VTI1A: variants seen among roughly 807,000 people sequenced by gnomAD.
VTI1A encodes vesicle transport through interaction with t-SNAREs 1A.
Under a neutral mutation model 34.9 loss-of-function variants are expected in VTI1A, and 22 were observed. That is an observed-to-expected ratio of 0.63 (90% CI 0.45 to 0.90). The LOEUF is 0.90. Among genes scored for constraint, VTI1A ranks in the 40% least tolerant of loss-of-function variants. The pLI, the probability that VTI1A is intolerant of heterozygous loss-of-function variation, is 0.00. For missense variants in VTI1A, 268 were observed against 275.6 expected, an observed-to-expected ratio of 0.97 and a Z score of 0.20; for synonymous variants, 87 against 97.3, an observed-to-expected ratio of 0.89 and a Z score of 0.62.
At chr10:112,652,335 G>T (rs914155243) in intron 5 of VTI1A, among the ~76,000 whole-genome samples, 2 of 152,142 alleles carry the variant, frequency 1.3e-5, no homozygotes, top group African/African-American at 4.8e-5. Context: ...GGCTGTCACC[G>T]ACTGTCTCAG....
At chr10:112,550,270 C>T (rs1193616164) in intron 5 of VTI1A, among the ~76,000 whole-genome samples, 1 of 151,824 alleles carries the variant, frequency 6.6e-6, no homozygotes, top group African/African-American at 2.4e-5. Flanking sequence ...GACCTTGTTG[C>T]ACTGTACTTA....
intron 7 of VTI1A, among the ~76,000 whole-genome samples, chr10:112,803,794 T>C (rs1852967716): frequency 6.6e-6 from 1 of 152,138 alleles, no homozygotes; most frequent in South Asian, 2.1e-4. Flanking sequence ...ATGAAGAATT[T>C]AGACTAGGGC....
chr10:112,630,894 G>C (rs573626887), intron 5 of VTI1A, among the ~76,000 whole-genome samples: 2 of 152,152 alleles, frequency 1.3e-5, no homozygotes, highest in Non-Finnish European at 2.9e-5. Context: ...GGCTGAGGGG[G>C]GCGGATCACC....
intron 5 of VTI1A, among the ~76,000 whole-genome samples, chr10:112,577,679 G>T (rs566770856): frequency 6.6e-6 from 1 of 152,308 alleles, no homozygotes; most frequent in Non-Finnish European, 1.5e-5. Context: ...GATATGATGA[G>T]GCCTATACTT....
chr10:112,811,847 T>A (rs531532528), intron 7 of VTI1A, among the ~76,000 whole-genome samples: 72 of 152,318 alleles, frequency 4.7e-4, no homozygotes, highest in African/African-American at 1.7e-3. Context: ...GCCTGTCCCC[T>A]GCACTGGAAC....
intron 7 of VTI1A, among the ~76,000 whole-genome samples, chr10:112,676,621 C>G (rs1489689451): frequency 7.2e-5 from 11 of 152,148 alleles, no homozygotes; most frequent in Admixed American, 7.2e-4. Flanking sequence ...CAGTATGTCC[C>G]TACTAGTGGT....
chr10:112,698,442 G>A (rs944285444), intron 7 of VTI1A, among the ~76,000 whole-genome samples: 4 of 152,118 alleles, frequency 2.6e-5, no homozygotes. Context: ...AACTATAGAC[G>A]TAAATCCTTA....
intron 7 of VTI1A, among the ~76,000 whole-genome samples, chr10:112,714,751 G>T (rs1564896074): frequency 6.6e-6 from 1 of 152,192 alleles, no homozygotes; most frequent in Non-Finnish European, 1.5e-5. Context: ...CAGGAAAATG[G>T]TATCTGGGTG....
intron 5 of VTI1A, among the ~76,000 whole-genome samples, chr10:112,623,546 G>T (rs111632042): frequency 6.7e-6 from 1 of 150,016 alleles, no homozygotes; most frequent in Non-Finnish European, 1.5e-5. Flanking sequence ...TTTGGATCCC[G>T]TCACGATCCG....
intron 7 of VTI1A, among the ~76,000 whole-genome samples, chr10:112,724,789 A>T (rs1266376138): frequency 6.7e-6 from 1 of 148,966 alleles, no homozygotes; most frequent in Admixed American, 6.6e-5. Flanking sequence ...TTTTTTTGAA[A>T]AAAAAAAAAA....
At chr10:112,787,083 T>G (rs1267390882) in intron 7 of VTI1A, among the ~76,000 whole-genome samples, 3 of 152,216 alleles carry the variant, frequency 2.0e-5, no homozygotes, top group Non-Finnish European at 4.4e-5. Flanking sequence ...CTTACTTGCT[T>G]GTTATAGGTC....
chr10:112,533,427 CAG>C, intron 4 of VTI1A: 3 of 748,126 alleles, frequency 4.0e-6, no homozygotes, highest in Non-Finnish European at 4.9e-6. Flanking sequence ...AACATGTAAA[CAG>C]ATAAATTGTC....
At chr10:112,705,981 C>G (rs1849183147) in intron 7 of VTI1A, among the ~76,000 whole-genome samples, 1 of 152,190 alleles carries the variant, frequency 6.6e-6, no homozygotes, top group Non-Finnish European at 1.5e-5. Context: ...AAAACCACTG[C>G]TAATCTACAG....
At chr10:112,772,614 A>C (rs566536449) in intron 7 of VTI1A, among the ~76,000 whole-genome samples, 8 of 152,184 alleles carry the variant, frequency 5.3e-5, no homozygotes, top group Non-Finnish European at 1.2e-4. Flanking sequence ...CTATTGTTAA[A>C]ACCCACACCA....
intron 7 of VTI1A, among the ~76,000 whole-genome samples, chr10:112,733,559 T>C (rs535757211): frequency 6.6e-6 from 1 of 152,232 alleles, no homozygotes; most frequent in African/African-American, 2.4e-5. Flanking sequence ...TGTTTATTAT[T>C]TGGTCAAAGT....
the VTI1A span, among the ~76,000 whole-genome samples, chr10:112,854,940 A>G: frequency 6.6e-6 from 1 of 152,152 alleles, no homozygotes; most frequent in African/African-American, 2.4e-5. Context: ...GAGGGGAAGG[A>G]GCCAAGAATG....
chr10:112,463,793 C>T (rs1016183293), intron 2 of VTI1A, among the ~76,000 whole-genome samples: 42 of 152,144 alleles, frequency 2.8e-4, no homozygotes, highest in African/African-American at 9.7e-4. Context: ...TTACAAAACA[C>T]CTGCCAGAAT....
intron 3 of VTI1A, among the ~76,000 whole-genome samples, chr10:112,491,812 C>T (rs771566493): frequency 6.6e-6 from 1 of 152,188 alleles, no homozygotes; most frequent in Non-Finnish European, 1.5e-5. Flanking sequence ...TACAGCAGCT[C>T]TAGGTGCTAC....
chr10:112,531,120 C>CGCGCGT (rs1218776659), intron 4 of VTI1A, among the ~76,000 whole-genome samples: 10 of 151,274 alleles, frequency 6.6e-5, no homozygotes, highest in African/African-American at 2.4e-4. Context: ...CACGTGCGCG[C>CGCGCGT]GCGCGCATGA....
Sources: gnomAD v4.1 joint callset for allele counts (sites outside exome capture counted in the v4.1 genomes callset) on GRCh38, gnomAD v4.1.1 for gene constraint, MANE v1.5 for transcripts, NCBI Gene and HGNC (gene_info 2026-07-23, HGNC 2026-07-21) for gene names.